Variants in CYP39A1 observed in about 807,000 individuals in gnomAD.
CYP39A1 encodes cytochrome P450 family 39 subfamily A member 1, also known as 24-hydroxycholesterol 7-alpha-hydroxylase.
CYP39A1 carries 49 observed loss-of-function variants against 58.1 expected under a neutral mutation model. The ratio of observed to expected loss-of-function variants is 0.84; its 90% CI spans 0.67 to 1.07. CYP39A1 has a LOEUF of 1.07. Among genes scored for constraint, CYP39A1 ranks in the 50% least tolerant of loss-of-function variants. The pLI, the probability that CYP39A1 is intolerant of heterozygous loss-of-function variation, is 0.00. For missense variants in CYP39A1, 531 were observed against 539.4 expected (o/e 0.98, Z 0.16); for synonymous variants, 209 against 187.6 (o/e 1.11, Z -0.93).
intron 10 of CYP39A1, among the ~76,000 whole-genome samples, chr6:46,561,534 T>C (rs1313253077): frequency 2.0e-5 from 3 of 151,932 alleles, no homozygotes; most frequent in Non-Finnish European, 2.9e-5. Context: ...GTTGACTCCA[T>C]GCAGAAGGTG....
chr6:46,615,520 G>A (rs904557045), intron 7 of CYP39A1, among the ~76,000 whole-genome samples: 2 of 151,860 alleles, frequency 1.3e-5, no homozygotes, highest in Non-Finnish European at 2.9e-5. Flanking sequence ...GAACACCTGT[G>A]TACTGGTGTC....
chr6:46,550,451 T>C lies in CYP39A1; in HGVS notation c.1339-14A>G, dbSNP rs1201998224. On this transcript the variant is annotated splice_polypyrimidine_tract_variant and intron_variant, in intron 11 of 11. Transcript: ENST00000275016. Reference sequence around the variant, plus strand: ...ATGGAGATAACTCTAAAAACAGAAATGCAGAAGAAATAGAAATTAAGAGAC... The same window carrying C: ...ATGGAGATAACTCTAAAAACAGAAACGCAGAAGAAATAGAAATTAAGAGAC... 2 of 1,606,308 alleles carry C rather than the reference T, an allele frequency of 1.2e-6. No individual in the cohort carries two copies. Among genetic ancestry groups the C allele is most frequent in the Admixed American group, 1.7e-5 (1 of 59,128 alleles).
At position 46,632,642 on chromosome 6, in the gene CYP39A1, G is replaced by A. The variant is rs183514495; in HGVS notation, c.733-1572C>T. Reference sequence around the variant, plus strand: ...TCTCTACCCTCAAATAGGGTCCAGTGTCTGTGGTTCCCCGCAGATACTATT... The same window carrying A: ...TCTCTACCCTCAAATAGGGTCCAGTATCTGTGGTTCCCCGCAGATACTATT... On this transcript the variant is annotated intron_variant, in intron 5 of 11. Coordinates refer to ENST00000275016, the MANE Select transcript of CYP39A1 (RefSeq NM_016593.5). Among the ~76,000 whole-genome samples the A allele has an allele frequency of 6.4e-4, 98 of 152,148 alleles. 1 individual carries two copies. Among genetic ancestry groups the A allele is most frequent in the African/African-American group, 2.1e-3 (89 of 41,494 alleles).
In CYP39A1 at chr6:46,646,692, G is replaced by T. The variant is rs564448381; in HGVS notation, c.178-4394C>A. ...TCCAATGATACAATCTGGGCATAGA[G>T]AATTCTTTTTGGGAGGTTATCAAAA... On this transcript the variant is annotated intron_variant, in intron 1 of 11. Coordinates refer to ENST00000275016, the MANE Select transcript of CYP39A1 (RefSeq NM_016593.5). Among the ~76,000 whole-genome samples the T allele has an allele frequency of 3.3e-5, 5 of 152,156 alleles. No homozygotes were observed. In the East Asian group the frequency reaches 9.6e-4, roughly 29 times the overall value.
At position 46,549,733 on chromosome 6, in the gene CYP39A1, T is replaced by C. The variant is rs1198229265; in HGVS notation, c.*633A>G. 1 of 152,204 alleles carries C rather than the reference T, an allele frequency of 6.6e-6. No individual in the cohort carries two copies. Among genetic ancestry groups the C allele is most frequent in the Non-Finnish European group, 1.5e-5 (1 of 68,032 alleles). The allele number at this position is 152,204 out of a possible 1,614,324, so 9.4% of individuals were successfully genotyped here. On this transcript the variant is annotated 3_prime_UTR_variant, in exon 12 of 12. Coordinates refer to ENST00000275016, the MANE Select transcript of CYP39A1 (RefSeq NM_016593.5). ...TCAATCAACATACATTTATTGAATATACTCTGTAAAGAAGGTGCAATCCTG... is the reference window on the plus strand; with the variant it reads ...TCAATCAACATACATTTATTGAATACACTCTGTAAAGAAGGTGCAATCCTG...
chr6:46,551,257 C>T (rs1257420257), intron 11 of CYP39A1, among the ~76,000 whole-genome samples: 1 of 150,808 alleles, frequency 6.6e-6, no homozygotes, highest in Non-Finnish European at 1.5e-5. Context: ...CACGAACCCA[C>T]TGAAATTGCA....
At chr6:46,559,094 A>G (rs1770828424) in intron 10 of CYP39A1, among the ~76,000 whole-genome samples, 1 of 140,562 alleles carries the variant, frequency 7.1e-6, no homozygotes, top group East Asian at 1.9e-4. Context: ...TTCAGTAGAA[A>G]ATTTAAAAGA....
In CYP39A1 at chr6:46,630,216, G is replaced by A. The variant is rs116636901; in HGVS notation, c.840+747C>T. On this transcript the variant is annotated intron_variant, in intron 6 of 11. Coordinates refer to ENST00000275016, the MANE Select transcript of CYP39A1 (RefSeq NM_016593.5). The stretch of plus-strand genomic sequence containing the variant: ...CCAATTTCACCAGCACCATTCATGC[G>A]GAAGCTTGTAGGACCATAATGCTAA... Among the ~76,000 whole-genome samples, 305 of 152,198 alleles carry A rather than the reference G, an allele frequency of 2.0e-3. 2 individuals carry two copies. The highest frequency in any genetic ancestry group is 7.0e-3 in the African/African-American group (292 of 41,496).
chr6:46,650,494 T>TTC (rs1762616790), intron 1 of CYP39A1, among the ~76,000 whole-genome samples: 1 of 115,312 alleles, frequency 8.7e-6, no homozygotes, highest in South Asian at 3.4e-4. Flanking sequence ...CTTTTTTTTT[T>TTC]TTTTTTTTTT....
intron 10 of CYP39A1, chr6:46,583,046 C>G (rs1445014847): frequency 1.0e-6 from 1 of 984,708 alleles, no homozygotes; most frequent in East Asian, 1.1e-4. Flanking sequence ...CAAGACAAGC[C>G]CATGACTTTG....
chr6:46,604,652 A>C (rs1177666777), intron 7 of CYP39A1, among the ~76,000 whole-genome samples: 1 of 152,232 alleles, frequency 6.6e-6, no homozygotes, highest in Admixed American at 6.5e-5. Flanking sequence ...CTTTTCTGTT[A>C]GAAGATAAAT....
intron 1 of CYP39A1, among the ~76,000 whole-genome samples, chr6:46,648,042 G>A (rs889449514): frequency 8.5e-5 from 13 of 152,104 alleles, no homozygotes; most frequent in Non-Finnish European, 7.4e-5. Flanking sequence ...GGAGAAATAG[G>A]AACACTTTTA....
At chr6:46,594,946 TA>T (rs1043377966) in intron 8 of CYP39A1, among the ~76,000 whole-genome samples, 1 of 151,558 alleles carries the variant, frequency 6.6e-6, no homozygotes, top group African/African-American at 2.4e-5. Context: ...ACAAGAAACT[TA>T]AACAACTCAC....
intron 5 of CYP39A1, among the ~76,000 whole-genome samples, chr6:46,634,189 G>C (rs981244811): frequency 2.2e-4 from 34 of 152,284 alleles, no homozygotes; most frequent in African/African-American, 7.7e-4. Context: ...TGGTGAATAA[G>C]TCCCATGAGA....
At chr6:46,582,495 AT>A (rs1034310919) in intron 10 of CYP39A1, among the ~76,000 whole-genome samples, 1 of 151,848 alleles carries the variant, frequency 6.6e-6, no homozygotes, top group African/African-American at 2.4e-5. Context: ...TAAGCACTTA[AT>A]TTTTTTTCTT....
intron 10 of CYP39A1, among the ~76,000 whole-genome samples, chr6:46,568,248 G>C (rs1482946124): frequency 6.6e-6 from 1 of 151,934 alleles, no homozygotes; most frequent in Non-Finnish European, 1.5e-5. Flanking sequence ...TTTCTGAATT[G>C]GGTTATTTTG....
intron 10 of CYP39A1, among the ~76,000 whole-genome samples, chr6:46,578,147 T>C (rs1771939811): frequency 6.6e-6 from 1 of 152,058 alleles, no homozygotes; most frequent in Non-Finnish European, 1.5e-5. Context: ...TAAAATTAGA[T>C]AGAAATTAAT....
rs567503285 is a variant in CYP39A1, at chr6:46,581,062, A to G, written c.1250+6015T>C. 2.0e-5 allele frequency among the ~76,000 whole-genome samples: 3 copies of G among 152,334 alleles called. No homozygotes were observed. The East Asian group carries it at 5.8e-4, about 29-fold the overall frequency. On this transcript the variant is annotated intron_variant, in intron 10 of 11. Transcript: ENST00000275016. Reference sequence around the variant, plus strand: ...TAGGTTCATTGCAACACTATTCACAATAGCAAAGACATGAAATCAACCTAG... The same window carrying G: ...TAGGTTCATTGCAACACTATTCACAGTAGCAAAGACATGAAATCAACCTAG...
At chr6:46,624,930 T>A (rs1775214110) in intron 7 of CYP39A1, among the ~76,000 whole-genome samples, 1 of 152,200 alleles carries the variant, frequency 6.6e-6, no homozygotes, top group African/African-American at 2.4e-5. Context: ...AGGGTTTTTT[T>A]ATTTCTTTTT....
Sources: allele counts gnomAD v4.1 joint callset (sites outside exome capture counted in the v4.1 genomes callset), GRCh38; gene constraint gnomAD v4.1.1; transcripts MANE v1.5; gene names NCBI Gene and HGNC (gene_info 2026-07-23, HGNC 2026-07-21).